The following AK5 variants were observed in gnomAD, a reference collection of about 807,000 sequenced individuals.
The protein encoded by AK5 is adenylate kinase isoenzyme 5.
A neutral mutation model predicts 69.5 loss-of-function variants in AK5; 27 were observed. The ratio of observed to expected loss-of-function variants is 0.39; its 90% CI spans 0.29 to 0.54. The LOEUF (loss-of-function observed/expected upper bound fraction) is 0.54, where lower values mean the gene tolerates loss of function less well. Ranked by LOEUF, AK5 falls within the 20% of genes least tolerant of loss-of-function variation. The pLI is 0.71. For synonymous variants in AK5, 260 were observed against 244.4 expected, an observed-to-expected ratio of 1.06 and a Z score of -0.60; for missense variants, 531 against 700.4, an observed-to-expected ratio of 0.76 and a Z score of 2.73.
intron 13 of AK5, among the ~76,000 whole-genome samples, chr1:77,543,028 A>G (rs1293526309): frequency 2.0e-5 from 3 of 152,232 alleles, no homozygotes; most frequent in East Asian, 3.8e-4. Flanking sequence ...TTCCTCAGCA[A>G]TTCTGCTGCT....
At chr1:77,432,396 T>C (rs1280209317) in intron 8 of AK5, among the ~76,000 whole-genome samples, 1 of 152,212 alleles carries the variant, frequency 6.6e-6, no homozygotes. Context: ...TATTGCTATG[T>C]TCAGTTTTGT....
intron 6 of AK5, among the ~76,000 whole-genome samples, chr1:77,375,744 G>A (rs933731614): frequency 2.0e-5 from 3 of 152,072 alleles, no homozygotes; most frequent in Non-Finnish European, 4.4e-5. Context: ...CTTTAGAGAC[G>A]CTGTGATAAT....
In AK5 at chr1:77,282,153, G is replaced by T. The variant is rs1004678587; in HGVS notation, c.-161G>T. Reference sequence around the variant, plus strand: ...ACAGCCCCCGGGGAGAGGCGGAGGGGGTCCCTGGCCTGGGCGGAGAGGCTG... The same window carrying T: ...ACAGCCCCCGGGGAGAGGCGGAGGGTGTCCCTGGCCTGGGCGGAGAGGCTG... On this transcript the variant is annotated 5_prime_UTR_variant, in exon 1 of 14. Coordinates refer to ENST00000354567, the MANE Select transcript of AK5 (RefSeq NM_174858.3). 1.3e-5 allele frequency: 7 copies of T among 531,216 alleles called. No individual in the cohort carries two copies. Among genetic ancestry groups the T allele is most frequent in the African/African-American group, 1.2e-4 (6 of 49,886 alleles). The allele number at this position is 531,216 out of a possible 1,614,324, so 32.9% of individuals were successfully genotyped here.
chr1:77,535,752 A>G, intron 12 of AK5, 95 bp from the exon 13 acceptor site: 2 of 1,140,706 alleles, frequency 1.8e-6, no homozygotes, highest in Non-Finnish European at 2.4e-6. Context: ...AGGGAACCAG[A>G]AGGCCAAGAA....
At chr1:77,406,543 C>T (rs750188629) in intron 6 of AK5, among the ~76,000 whole-genome samples, 1 of 152,052 alleles carries the variant, frequency 6.6e-6, no homozygotes, top group Non-Finnish European at 1.5e-5. Flanking sequence ...TTCCCCCTTG[C>T]TTTTAGACAG....
At chr1:77,296,086 G>T (rs1366636445) in intron 3 of AK5, among the ~76,000 whole-genome samples, 3 of 152,166 alleles carry the variant, frequency 2.0e-5, no homozygotes, top group African/African-American at 7.2e-5. Context: ...TTGTCTGAGA[G>T]AATTGGGACA....
At chr1:77,490,782 C>CTT (rs374394627) in intron 10 of AK5, among the ~76,000 whole-genome samples, 2 of 139,952 alleles carry the variant, frequency 1.4e-5, no homozygotes, top group African/African-American at 5.2e-5. Flanking sequence ...TTCCTTTTTT[C>CTT]TTTTTTTTTT....
At chr1:77,521,754 C>A (rs1474725817) in intron 11 of AK5, 73 bp from the exon 12 acceptor site, 3 of 1,130,898 alleles carry the variant, frequency 2.7e-6, no homozygotes, top group Non-Finnish European at 4.0e-6. Flanking sequence ...CAGTGGATGA[C>A]TGAAGGAGAC....
chr1:77,463,630 AAG>A (rs1009722063), intron 8 of AK5, among the ~76,000 whole-genome samples: 2 of 152,132 alleles, frequency 1.3e-5, no homozygotes, highest in African/African-American at 4.8e-5. Flanking sequence ...AAATCCAAGA[AAG>A]AATGCATCTG....
chr1:77,479,591 G>A (rs1024011725), intron 8 of AK5, among the ~76,000 whole-genome samples: 1 of 152,102 alleles, frequency 6.6e-6, no homozygotes, highest in Admixed American at 6.5e-5. Context: ...CTGTGCCTTG[G>A]CGCCCCATAC....
intron 8 of AK5, among the ~76,000 whole-genome samples, chr1:77,443,921 CT>C (rs1055975532): frequency 2.0e-5 from 3 of 151,114 alleles, no homozygotes; most frequent in Non-Finnish European, 4.4e-5. Context: ...ACATAGTTAC[CT>C]TTTGTCCTAC....
intron 8 of AK5, among the ~76,000 whole-genome samples, chr1:77,433,069 A>G (rs1436610512): frequency 6.6e-6 from 1 of 152,184 alleles, no homozygotes; most frequent in African/African-American, 2.4e-5. Flanking sequence ...CTTGAAATTT[A>G]TATCAAGTTG....
chr1:77,483,140 GA>G (rs1414890124), intron 8 of AK5, among the ~76,000 whole-genome samples, 176 bp from the exon 9 acceptor site: 1 of 151,686 alleles, frequency 6.6e-6, no homozygotes, highest in Non-Finnish European at 1.5e-5. Flanking sequence ...GTCACCTTTG[GA>G]AAGTTAACTT....
chr1:77,444,385 G>GTATA lies in AK5; in HGVS notation c.1059+26675_1059+26678dup, dbSNP rs60746056. ...ATAGTATAAATATATACTATATATA[G>GTATA]TATATATAGTATAAATATATACTAT... On this transcript the variant is annotated intron_variant, in intron 8 of 13. Coordinates refer to ENST00000354567, the MANE Select transcript of AK5 (RefSeq NM_174858.3). Among the ~76,000 whole-genome samples the GTATA allele has an allele frequency of 2.1e-4, 5 of 24,320 alleles. 1 individual carries two copies. The highest frequency in any genetic ancestry group is 8.5e-4 in the African/African-American group (5 of 5,880). 16.0% of individuals were successfully genotyped at this position (24,320 alleles called of 152,430 possible). A position where few individuals can be genotyped will look rare whatever the true frequency, so the allele number is the denominator to read the frequency against.
chr1:77,497,093 C>T (rs375220467), intron 10 of AK5, among the ~76,000 whole-genome samples: 3 of 152,372 alleles, frequency 2.0e-5, no homozygotes, highest in South Asian at 4.1e-4. Flanking sequence ...TTTGGGTCTG[C>T]ACTGCCTTTA....
intron 3 of AK5, among the ~76,000 whole-genome samples, 181 bp from the exon 4 acceptor site, chr1:77,297,378 T>A (rs1470743547): frequency 6.6e-6 from 1 of 152,140 alleles, no homozygotes; most frequent in Non-Finnish European, 1.5e-5. Context: ...GACAATTCTT[T>A]CCTTGACAAA....
rs752666877 is a variant in AK5 at position 77,483,295 on chromosome 1, A to G, written c.1060-22A>G. 3 of 1,585,418 alleles carry G rather than the reference A, an allele frequency of 1.9e-6. No individual in the cohort carries two copies. In the South Asian group the frequency reaches 3.3e-5, roughly 18 times the overall value. Reference sequence around the variant, plus strand: ...AAAATACCTGCTGTTATTATTATCTAATATTGTGATTTTTTTAACAGGGTG... The same window carrying G: ...AAAATACCTGCTGTTATTATTATCTGATATTGTGATTTTTTTAACAGGGTG... On this transcript the variant is annotated intron_variant, in intron 8 of 13. Coordinates refer to ENST00000354567, the MANE Select transcript of AK5 (RefSeq NM_174858.3).
intron 8 of AK5, among the ~76,000 whole-genome samples, chr1:77,434,719 G>A (rs975598669): frequency 2.6e-5 from 4 of 152,130 alleles, no homozygotes; most frequent in South Asian, 2.1e-4. Flanking sequence ...CCAAAAGGGG[G>A]AAAGAAAGAA....
chr1:77,289,888 A>T (rs1360820366), intron 2 of AK5, among the ~76,000 whole-genome samples: 1 of 141,410 alleles, frequency 7.1e-6, no homozygotes, highest in Non-Finnish European at 1.6e-5. Context: ...AAAAAAAAAA[A>T]GTCAATTACA....
Sources: gnomAD v4.1 joint callset for allele counts (sites outside exome capture counted in the v4.1 genomes callset) on GRCh38, gnomAD v4.1.1 for gene constraint, MANE v1.5 for transcripts, NCBI Gene and HGNC (gene_info 2026-07-23, HGNC 2026-07-21) for gene names.